PPEF1: variants seen among roughly 807,000 people sequenced by gnomAD.
PPEF1 encodes the protein serine/threonine-protein phosphatase with EF-hands 1.
In PPEF1, 12 loss-of-function variants were observed where a neutral mutation model predicts 53.3. The ratio of observed to expected loss-of-function variants is 0.23; its 90% CI spans 0.14 to 0.36. PPEF1 has a LOEUF of 0.36. PPEF1 is among the 10% of genes least tolerant of loss of function. PPEF1 has a pLI of 1.00. For missense variants in PPEF1, 334 were observed against 490.4 expected, an observed-to-expected ratio of 0.68 and a Z score of 3.01; for synonymous variants, 165 against 176.7, an observed-to-expected ratio of 0.93 and a Z score of 0.52.
At chrX:18,735,807 G>GC (rs200710451) in intron 3 of PPEF1, among the ~76,000 whole-genome samples, 1,577 of 111,692 alleles carry the variant, frequency 0.014, 35 homozygotes, top group African/African-American at 0.049. Context: ...ATTTCCTTGA[G>GC]CAGTGGTTTG....
intron 9 of PPEF1, among the ~76,000 whole-genome samples, chrX:18,788,044 C>T (rs765249171): frequency 1.1e-4 from 12 of 112,024 alleles, no homozygotes; most frequent in African/African-American, 2.9e-4. Flanking sequence ...TGGCCGGGTG[C>T]AGTGGCTCAC....
chrX:18,821,434 G>A (rs886354591), intron 13 of PPEF1, among the ~76,000 whole-genome samples: 1 of 110,459 alleles, frequency 9.1e-6, no homozygotes, highest in Non-Finnish European at 1.9e-5. Flanking sequence ...TTGAGATGGA[G>A]TCTCCCTCAG....
chrX:18,826,350 C>T (rs1278879596), intron 15 of PPEF1, among the ~76,000 whole-genome samples: 2 of 105,568 alleles, frequency 1.9e-5, no homozygotes, highest in African/African-American at 7.0e-5. Flanking sequence ...TACTCATGGC[C>T]ATAAAAATCA....
chrX:18,739,123 C>A (rs986817885), intron 3 of PPEF1, among the ~76,000 whole-genome samples: 1 of 112,711 alleles, frequency 8.9e-6, no homozygotes, highest in Non-Finnish European at 1.9e-5. Context: ...CCGAGGCCTA[C>A]GGCTGTCAAC....
chrX:18,788,042 T>A (rs113961679), intron 9 of PPEF1, among the ~76,000 whole-genome samples: 8 of 111,431 alleles, frequency 7.2e-5, no homozygotes, highest in African/African-American at 2.3e-4. Flanking sequence ...CTTGGCCGGG[T>A]GCAGTGGCTC....
chrX:18,734,262 A>G (rs1439785192), intron 3 of PPEF1, among the ~76,000 whole-genome samples: 1 of 102,867 alleles, frequency 9.7e-6, no homozygotes, highest in Non-Finnish European at 2.0e-5. Flanking sequence ...TGTACTCCTA[A>G]TGCTATCCCT....
intron 3 of PPEF1, among the ~76,000 whole-genome samples, chrX:18,745,016 A>G (rs2045290007): frequency 1.0e-5 from 1 of 99,691 alleles, no homozygotes; most frequent in African/African-American, 3.7e-5. Flanking sequence ...TTATACATAT[A>G]AAAAATATAA....
upstream of PPEF1, among the ~76,000 whole-genome samples, chrX:18,680,743 A>G (rs1928852915): frequency 1.9e-5 from 2 of 103,760 alleles, no homozygotes; most frequent in Non-Finnish European, 3.9e-5. Context: ...CATTGGGTAT[A>G]TCTCCTAATG....
intron 12 of PPEF1, among the ~76,000 whole-genome samples, chrX:18,811,416 G>A (rs186568491): frequency 2.6e-4 from 29 of 109,666 alleles, no homozygotes; most frequent in Admixed American, 8.0e-4. Context: ...GTAGTGTTGC[G>A]TTGTATTTCC....
chrX:18,732,681 A>G (rs747448790), intron 2 of PPEF1, among the ~76,000 whole-genome samples: 78 of 111,444 alleles, frequency 7.0e-4, no homozygotes, highest in Middle Eastern at 4.7e-3. Flanking sequence ...CAACTCCCAG[A>G]TCTACTCCCA....
At chrX:18,692,167 TCTC>T (rs908597611) in intron 4 of PPEF1, among the ~76,000 whole-genome samples, 4 of 112,142 alleles carry the variant, frequency 3.6e-5, no homozygotes, top group African/African-American at 1.3e-4. Context: ...AACCCAGGCT[TCTC>T]CTGCCTGTGG....
chrX:18,793,858 CTA>C (rs2046372569), intron 10 of PPEF1, among the ~76,000 whole-genome samples: 3 of 111,379 alleles, frequency 2.7e-5, no homozygotes, highest in Non-Finnish European at 5.7e-5. Flanking sequence ...TTAGTGAAGT[CTA>C]TTCCCCTTCA....
intron 6 of PPEF1, among the ~76,000 whole-genome samples, chrX:18,701,973 A>C (rs1388872245): frequency 9.0e-6 from 1 of 111,551 alleles, no homozygotes; most frequent in African/African-American, 3.3e-5. Context: ...TTATCCTCTC[A>C]TGTGGCGAGA....
At position 18,827,812 on chromosome X, in the gene PPEF1, C is replaced by T; in HGVS notation, c.*325C>T. 5.2e-6 allele frequency: 1 copy of T among 190,826 alleles called. No homozygotes were observed. Among genetic ancestry groups the T allele is most frequent in the Non-Finnish European group, 9.7e-6 (1 of 102,867 alleles). 15.7% of individuals were successfully genotyped at this position (190,826 alleles called of 1,213,427 possible). A position where few individuals can be genotyped will look rare whatever the true frequency, so the allele number is the denominator to read the frequency against. On this transcript the variant is annotated 3_prime_UTR_variant, in exon 16 of 16. Transcript: ENST00000470157. Reference sequence around the variant, plus strand: ...CGGTTTGAAAACATCCTGAAAGGAACTCATACAGCACAAGAGAAAACTACT... The same window carrying T: ...CGGTTTGAAAACATCCTGAAAGGAATTCATACAGCACAAGAGAAAACTACT...
intron 7 of PPEF1, among the ~76,000 whole-genome samples, chrX:18,779,657 G>A (rs975530257): frequency 1.6e-4 from 18 of 112,236 alleles, no homozygotes; most frequent in African/African-American, 5.5e-4. Context: ...ACATATTTAC[G>A]AACACAGCAT....
chrX:18,675,799 C>G (rs1439734903), upstream of PPEF1: 1 of 111,690 alleles, frequency 9.0e-6, no homozygotes, highest in East Asian at 2.8e-4. Context: ...GGACTGTAGT[C>G]TGGGTAACGG....
At chrX:18,739,392 G>C (rs2045085295) in intron 3 of PPEF1, among the ~76,000 whole-genome samples, 1 of 112,323 alleles carries the variant, frequency 8.9e-6, no homozygotes, top group Admixed American at 9.4e-5. Context: ...GAATTTGCTG[G>C]AGGTCCACTC....
intron 4 of PPEF1, among the ~76,000 whole-genome samples, chrX:18,697,341 G>A (rs1335936307): frequency 1.8e-5 from 2 of 111,286 alleles, no homozygotes; most frequent in Non-Finnish European, 3.8e-5. Flanking sequence ...TTAACATCCG[G>A]GCACCTTTAT....
At chrX:18,783,807 C>T in intron 8 of PPEF1, 92 bp from the exon 9 acceptor site, 1 of 900,767 alleles carries the variant, frequency 1.1e-6, no homozygotes, top group African/African-American at 2.0e-5. Flanking sequence ...TTTGAGTGGC[C>T]TGAAAATCAT....
Sources: gnomAD v4.1 joint callset for allele counts (sites outside exome capture counted in the v4.1 genomes callset) on GRCh38, gnomAD v4.1.1 for gene constraint, MANE v1.5 for transcripts, NCBI Gene and HGNC (gene_info 2026-07-23, HGNC 2026-07-21) for gene names.